Variants in SLC7A1 observed in about 807,000 individuals in gnomAD.
The protein encoded by SLC7A1 is high affinity cationic amino acid transporter 1.
SLC7A1 carries 10 observed loss-of-function variants against 53.9 expected under a neutral mutation model. The ratio of observed to expected loss-of-function variants is 0.19; its 90% confidence interval spans 0.11 to 0.31. SLC7A1 has a LOEUF of 0.31. Among genes scored for constraint, SLC7A1 ranks in the 10% least tolerant of loss-of-function variants. The pLI, the probability that SLC7A1 is intolerant of heterozygous loss-of-function variation, is 1.00. For missense variants in SLC7A1, 525 were observed against 827.2 expected (o/e 0.63, Z 4.48); for synonymous variants, 342 against 338.7 (o/e 1.01, Z -0.11).
At chr13:29,543,617 G>A (rs1027199507) in intron 2 of SLC7A1, among the ~76,000 whole-genome samples, 1 of 152,132 alleles carries the variant, frequency 6.6e-6, no homozygotes, top group Non-Finnish European at 1.5e-5. Flanking sequence ...GAGGGGTGCG[G>A]AAGGAGGCAG....
chr13:29,588,548 G>A (rs1330940), intron 1 of SLC7A1, among the ~76,000 whole-genome samples: 1 of 148,946 alleles, frequency 6.7e-6, no homozygotes, highest in African/African-American at 2.5e-5. Flanking sequence ...CTGTTACCCA[G>A]GCTGGAGTGC....
intron 1 of SLC7A1, among the ~76,000 whole-genome samples, chr13:29,572,068 T>C (rs906864399): frequency 6.6e-6 from 1 of 152,226 alleles, no homozygotes; most frequent in Non-Finnish European, 1.5e-5. Flanking sequence ...TGATGGCCAG[T>C]GGCCAAGGAG....
intron 1 of SLC7A1, among the ~76,000 whole-genome samples, chr13:29,580,490 G>T (rs1316638661): frequency 6.6e-6 from 1 of 151,982 alleles, no homozygotes; most frequent in Non-Finnish European, 1.5e-5. Context: ...CACATGCGGA[G>T]AACACACTTT....
intron 1 of SLC7A1, among the ~76,000 whole-genome samples, chr13:29,556,210 T>C (rs1053293068): frequency 6.6e-6 from 1 of 152,040 alleles, no homozygotes; most frequent in African/African-American, 2.4e-5. Context: ...AGCTAAACAT[T>C]AAAGACACTG....
chr13:29,595,615 C>T lies in SLC7A1; in HGVS notation c.-314G>A, dbSNP rs955420272. The T allele has an allele frequency of 1.3e-5, 2 of 151,356 alleles. No homozygotes were observed. Among genetic ancestry groups the T allele is most frequent in the Non-Finnish European group, 2.9e-5 (2 of 67,944 alleles). The allele number at this position is 151,356 out of a possible 1,614,324, so 9.4% of individuals were successfully genotyped here. A position where few individuals can be genotyped will look rare whatever the true frequency, so the allele number is the denominator to read the frequency against. On this transcript the variant is annotated 5_prime_UTR_variant, in exon 1 of 13. Coordinates refer to ENST00000380752, the MANE Select transcript of SLC7A1 (RefSeq NM_003045.5). ...CGCCTGCCAGGTAGTTGACCCGCTG[C>T]TCACACCTGCCTGCGCGGACTGAAT...
chr13:29,557,214 C>T (rs1870476196), intron 1 of SLC7A1, among the ~76,000 whole-genome samples: 1 of 152,212 alleles, frequency 6.6e-6, no homozygotes, highest in African/African-American at 2.4e-5. Context: ...AAGCAGCATT[C>T]CAACACTACT....
chr13:29,525,985 C>G (rs1399808935), intron 5 of SLC7A1, among the ~76,000 whole-genome samples: 1 of 152,206 alleles, frequency 6.6e-6, no homozygotes, highest in Non-Finnish European at 1.5e-5. Context: ...TTCTGTTACT[C>G]AGTGGCCTAT....
chr13:29,543,748 A>C (rs571079868), intron 2 of SLC7A1, among the ~76,000 whole-genome samples: 1 of 129,572 alleles, frequency 7.7e-6, no homozygotes, highest in African/African-American at 2.9e-5. Context: ...AGGAGGAGGA[A>C]GAGGGGTGGG....
chr13:29,541,043 G>A (rs560989101), intron 2 of SLC7A1, among the ~76,000 whole-genome samples: 37 of 152,272 alleles, frequency 2.4e-4, no homozygotes, highest in African/African-American at 6.3e-4. Context: ...ACACAGCTGA[G>A]TGAGCTGCAG....
chr13:29,520,036 A>G (rs1868560161), intron 8 of SLC7A1, among the ~76,000 whole-genome samples: 1 of 151,822 alleles, frequency 6.6e-6, no homozygotes, highest in Non-Finnish European at 1.5e-5. Context: ...CCATCAATCC[A>G]TCTGTCCACC....
intron 2 of SLC7A1, among the ~76,000 whole-genome samples, chr13:29,545,128 G>A (rs1327378083): frequency 6.6e-6 from 1 of 152,134 alleles, no homozygotes; most frequent in African/African-American, 2.4e-5. Flanking sequence ...TCTATCAAAA[G>A]AGATCTTATT....
chr13:29,571,909 T>C (rs1871211174), intron 1 of SLC7A1, among the ~76,000 whole-genome samples: 1 of 152,258 alleles, frequency 6.6e-6, no homozygotes, highest in East Asian at 1.9e-4. Context: ...TCCAACCTGC[T>C]TGTATTAAGC....
intron 3 of SLC7A1, among the ~76,000 whole-genome samples, chr13:29,535,037 G>A (rs970808772): frequency 1.3e-4 from 20 of 152,326 alleles, no homozygotes; most frequent in African/African-American, 4.6e-4. Flanking sequence ...CACACTGCAG[G>A]GAAAGGGGCC....
intron 1 of SLC7A1, among the ~76,000 whole-genome samples, chr13:29,560,251 T>G (rs186109375): frequency 8.9e-4 from 135 of 152,162 alleles, no homozygotes; most frequent in Middle Eastern, 6.8e-3. Flanking sequence ...CCTCTACGTC[T>G]TGTCCCACCG....
chr13:29,589,159 G>A (rs367984252), intron 1 of SLC7A1, among the ~76,000 whole-genome samples: 1 of 152,224 alleles, frequency 6.6e-6, no homozygotes. Context: ...AGGAAAGGGG[G>A]CACCTCCGCA....
At chr13:29,589,861 TC>T (rs1249071960) in intron 1 of SLC7A1, among the ~76,000 whole-genome samples, 1 of 151,962 alleles carries the variant, frequency 6.6e-6, no homozygotes, top group Non-Finnish European at 1.5e-5. Flanking sequence ...CCACCTGCCT[TC>T]CCCTCTCCCC....
intron 2 of SLC7A1, among the ~76,000 whole-genome samples, chr13:29,548,583 CA>C (rs1287277706): frequency 1.3e-5 from 2 of 152,208 alleles, no homozygotes; most frequent in Non-Finnish European, 2.9e-5. Flanking sequence ...TGATCTTGGG[CA>C]GACTAACCTG....
rs148907078 is a variant in SLC7A1, at chr13:29,579,077, C to T, written c.-115+16339G>A. 2.4e-3 allele frequency among the ~76,000 whole-genome samples: 362 copies of T among 152,342 alleles called. 2 individuals carry two copies. The highest frequency in any genetic ancestry group is 8.3e-3 in the African/African-American group (345 of 41,578). On this transcript the variant is annotated intron_variant, in intron 1 of 12. Coordinates refer to ENST00000380752, the MANE Select transcript of SLC7A1 (RefSeq NM_003045.5). The stretch of plus-strand genomic sequence containing the variant: ...CTCTAGATATCTCAACACAGAGCTT[C>T]GGCCAGACTCTGCTGTGGAAATGCT...
At chr13:29,531,946 C>T (rs1332148972) in intron 4 of SLC7A1, among the ~76,000 whole-genome samples, 3 of 152,190 alleles carry the variant, frequency 2.0e-5, no homozygotes. Context: ...AACACCTCAA[C>T]AAACAACAAT....
Sources: gnomAD v4.1 joint callset for allele counts (sites outside exome capture counted in the v4.1 genomes callset) on GRCh38, gnomAD v4.1.1 for gene constraint, MANE v1.5 for transcripts, NCBI Gene and HGNC (gene_info 2026-07-23, HGNC 2026-07-21) for gene names.